ADGRE5: variants seen among roughly 807,000 people sequenced by gnomAD.
ADGRE5 encodes the protein adhesion G protein-coupled receptor E5, also known as CD97 molecule.
Under a neutral mutation model 100.3 loss-of-function variants are expected in ADGRE5, and 72 were observed. The ratio of observed to expected loss-of-function variants is 0.72; its 90% CI spans 0.59 to 0.87. The LOEUF is 0.87. Among genes scored for constraint, ADGRE5 ranks in the 40% least tolerant of loss-of-function variants. The pLI, the probability that ADGRE5 is intolerant of heterozygous loss-of-function variation, is 0.00. For missense variants in ADGRE5, 959 were observed against 1,094.7 expected (o/e 0.88, Z 1.75); for synonymous variants, 439 against 447.8 (o/e 0.98, Z 0.25).
Position 14,396,381 on chromosome 19 carries a change from GC to G in ADGRE5, c.387del (p.Tyr130ThrfsTer32), listed in dbSNP as rs542401060. On this transcript the variant is annotated frameshift_variant, in exon 5 of 20. Transcript: ENST00000242786. LOFTEE classifies it high-confidence loss of function. The part of the protein sequence containing the change: ...ECQQNPRLCK[S>X]YGTCVNTLGS... ...CAGCAGAACCCAAGGCTCTGTAAAAGCTACGGCACCTGCGTCAACACCCTTG... is the reference window on the plus strand; with the variant it reads ...CAGCAGAACCCAAGGCTCTGTAAAAGTACGGCACCTGCGTCAACACCCTTG... The G allele has an allele frequency of 6.8e-5, 110 of 1,613,936 alleles. No individual in the cohort carries two copies. The African/African-American group carries it at 1.3e-3, about 20-fold the overall frequency.
chr19:14,397,264 A>G, intron 6 of ADGRE5, 41 bp downstream of exon 6: 2 of 1,613,302 alleles, frequency 1.2e-6, no homozygotes, highest in African/African-American at 1.3e-5. Flanking sequence ...ACCCACAAAC[A>G]TCTGATCACA....
At chr19:14,390,843 GT>G in intron 3 of ADGRE5, 80 bp from the exon 4 acceptor site, 1 of 1,531,348 alleles carries the variant, frequency 6.5e-7, no homozygotes, top group Non-Finnish European at 8.9e-7. Context: ...CAGGCCCCAT[GT>G]TGGGGAGTCA....
At position 14,406,716 on chromosome 19, in the gene ADGRE5, G is replaced by C; in HGVS notation, c.2065G>C (p.Glu689Gln). Residue 689 changes from glutamate (E) to glutamine (Q), a missense_variant, in exon 16 of 20, where the codon GAG becomes CAG. Physicochemically the swap from Glu to Gln is conservative, Grantham distance 29. Around this residue, in one of 6 missense-constraint regions of ADGRE5, gnomAD observed 428 missense variants for 386.2 expected, o/e 1.11. Transcript: ENST00000242786. This position sits in a 1 kb window ranked among gnomAD's most constrained non-coding sequence, Gnocchi z 6.0. ...GRPRYCWLDF[E>Q]QGFLWSFLGP... is the part of the protein sequence containing the mutation. Reference sequence around the variant, plus strand: ...CCCTCCTAGCTGCTGGTTGGACTTTGAGCAGGGCTTCCTCTGGAGCTTCTT... The same window carrying C: ...CCCTCCTAGCTGCTGGTTGGACTTTCAGCAGGGCTTCCTCTGGAGCTTCTT... 1 of 1,614,138 alleles carries C rather than the reference G, an allele frequency of 6.2e-7. No homozygotes were observed. Among genetic ancestry groups the C allele is most frequent in the Non-Finnish European group, 8.5e-7 (1 of 1,180,030 alleles).
chr19:14,395,378 A>G lies in ADGRE5; in HGVS notation c.347-964A>G, dbSNP rs1033703637. On this transcript the variant is annotated intron_variant, in intron 4 of 19. Coordinates refer to ENST00000242786, the MANE Select transcript of ADGRE5 (RefSeq NM_078481.4). Reference sequence around the variant, plus strand: ...CGGCTCCAGCCTGGACTAGCCGGCAAGAGACAGCATCACTGGGGACCATCG... The same window carrying G: ...CGGCTCCAGCCTGGACTAGCCGGCAGGAGACAGCATCACTGGGGACCATCG... Among the ~76,000 whole-genome samples, 4 of 151,898 alleles carry G rather than the reference A, an allele frequency of 2.6e-5. No homozygotes were observed. In the East Asian group the frequency reaches 7.7e-4, roughly 29 times the overall value.
intron 4 of ADGRE5, among the ~76,000 whole-genome samples, chr19:14,394,196 A>G (rs747789986): frequency 6.6e-6 from 1 of 152,162 alleles, no homozygotes; most frequent in Non-Finnish European, 1.5e-5. Context: ...AGGTGATAAG[A>G]GGGACCTCCA....
intron 19 of ADGRE5, 32 bp from the exon 20 acceptor site, chr19:14,408,060 C>A (rs374788142): frequency 1.2e-6 from 2 of 1,614,030 alleles, no homozygotes; most frequent in Non-Finnish European, 8.5e-7. Flanking sequence ...CCAGGGCTAG[C>A]GGGGCTCAGG....
At position 14,401,972 on chromosome 19, in the gene ADGRE5, A is replaced by T. The variant is rs191631128; in HGVS notation, c.1183+212A>T. Among the ~76,000 whole-genome samples, 311 of 152,278 alleles carry T rather than the reference A, an allele frequency of 2.0e-3. 1 individual carries two copies. The highest frequency in any genetic ancestry group is 7.2e-3 in the African/African-American group (299 of 41,554). On this transcript the variant is annotated intron_variant, in intron 11 of 19. Coordinates refer to ENST00000242786, the MANE Select transcript of ADGRE5 (RefSeq NM_078481.4). The surrounding 1 kb of genome is among the most constrained non-coding windows in gnomAD (Gnocchi z 4.1). Reference sequence around the variant, plus strand: ...ATGGTGAAACCCGGTCTCTACAAAAAATACAAAAATTAGCCAGGTGTGGTG... The same window carrying T: ...ATGGTGAAACCCGGTCTCTACAAAATATACAAAAATTAGCCAGGTGTGGTG...
intron 1 of ADGRE5, among the ~76,000 whole-genome samples, chr19:14,386,156 G>T (rs920466049): frequency 6.6e-5 from 10 of 151,434 alleles, no homozygotes; most frequent in African/African-American, 2.2e-4. Flanking sequence ...AAGGCAGGTG[G>T]ATCACGAGGT....
Position 14,408,302 on chromosome 19 carries a change from G to A in ADGRE5, c.*181G>A, listed in dbSNP as rs1599638845. ...ACCAAAGTCCAGGACACCCAGTGGG[G>A]TGGAGTCGGAGCCACTGGTCCTGCT... On this transcript the variant is annotated 3_prime_UTR_variant, in exon 20 of 20. Coordinates refer to ENST00000242786, the MANE Select transcript of ADGRE5 (RefSeq NM_078481.4). 4 of 704,426 alleles carry A rather than the reference G, an allele frequency of 5.7e-6. No homozygotes were observed. In the East Asian group the frequency reaches 1.1e-4, roughly 19 times the overall value. 43.6% of individuals were successfully genotyped at this position (704,426 alleles called of 1,614,324 possible). A position where few individuals can be genotyped will look rare whatever the true frequency, so the allele number is the denominator to read the frequency against.
rs774912268 is a variant in ADGRE5 at position 14,406,930 on chromosome 19, A to G, written c.2177A>G (p.Asn726Ser). Residue 726 changes from asparagine to serine, a missense_variant, in exon 17 of 20, where the codon AAT (asparagine) becomes AGT (serine). Coordinates refer to ENST00000242786, the MANE Select transcript of ADGRE5 (RefSeq NM_078481.4). This position sits in a 1 kb window ranked among gnomAD's most constrained non-coding sequence, Gnocchi z 6.0. ...CTCACTCAGAAGTTTTCTGAAATCA[A>G]TCCAGACATGAAGAAATTAAAGAAG... is the stretch of plus-strand genomic sequence containing the variant. ...WKLTQKFSEI[N>S]PDMKKLKKAR... 3.7e-6 allele frequency: 6 copies of G among 1,613,998 alleles called. No individual in the cohort carries two copies. The highest frequency in any genetic ancestry group is 5.1e-6 in the Non-Finnish European group (6 of 1,179,994).
chr19:14,401,315 T>G lies in ADGRE5; in HGVS notation c.898-71T>G, dbSNP rs1279281282. The G allele has an allele frequency of 2.4e-5, 33 of 1,364,586 alleles. No homozygotes were observed. In the Admixed American group the frequency reaches 6.6e-4, roughly 27 times the overall value. The allele number at this position is 1,364,586 out of a possible 1,614,324, so 84.5% of individuals were successfully genotyped here. On this transcript the variant is annotated intron_variant, in intron 9 of 19. Transcript: ENST00000242786. This position sits in a 1 kb window ranked among gnomAD's most constrained non-coding sequence, Gnocchi z 4.1. ...CTCCAGTGTGTCCCCTGGTAGGGGGTGACATCCAGGTCCTTCAGGCAACCC... is the reference window on the plus strand; with the variant it reads ...CTCCAGTGTGTCCCCTGGTAGGGGGGGACATCCAGGTCCTTCAGGCAACCC...
chr19:14,405,997 T>G, intron 14 of ADGRE5, 58 bp downstream of exon 14: 1 of 1,468,556 alleles, frequency 6.8e-7, no homozygotes. Context: ...TGGGAGGGGT[T>G]AGCCCCGCCC....
intron 1 of ADGRE5, 72 bp downstream of exon 1, chr19:14,381,617 C>T: frequency 3.3e-6 from 5 of 1,525,506 alleles, no homozygotes; most frequent in Non-Finnish European, 4.4e-6. Flanking sequence ...GTCTGAGAAA[C>T]GGGAGGCGCC....
Position 14,408,180 on chromosome 19 carries a change from A to G in ADGRE5, c.*59A>G. 1 of 1,578,862 alleles carries G rather than the reference A, an allele frequency of 6.3e-7. No individual in the cohort carries two copies. The highest frequency in any genetic ancestry group is 1.7e-5 in the Admixed American group (1 of 58,870). ...GTGGCCACAGCAGCTTTGTACACGA[A>G]GACCATCCATCCTCCCTTCGTCCAC... On this transcript the variant is annotated 3_prime_UTR_variant, in exon 20 of 20. Coordinates refer to ENST00000242786, the MANE Select transcript of ADGRE5 (RefSeq NM_078481.4).
At position 14,401,109 on chromosome 19, in the gene ADGRE5, G is replaced by A. The variant is rs992033899; in HGVS notation, c.898-277G>A. Among the ~76,000 whole-genome samples the A allele has an allele frequency of 1.3e-5, 2 of 152,168 alleles. No individual in the cohort carries two copies. The highest frequency in any genetic ancestry group is 2.9e-5 in the Non-Finnish European group (2 of 68,036). On this transcript the variant is annotated intron_variant, in intron 9 of 19. Coordinates refer to ENST00000242786, the MANE Select transcript of ADGRE5 (RefSeq NM_078481.4). The surrounding 1 kb of genome is among the most constrained non-coding windows in gnomAD (Gnocchi z 4.1). ...TGCACTCAAGCCTGGGCAACAGACT[G>A]AGACCCTGTCTCAAAAAAAGAAAGA...
In ADGRE5 at chr19:14,401,343, G is replaced by A. The variant is rs1488576539; in HGVS notation, c.898-43G>A. ...CATCCAGGTCCTTCAGGCAACCCCTGTGGTCTGATGCTCCAGCGATTCTGT... is the reference window on the plus strand; with the variant it reads ...CATCCAGGTCCTTCAGGCAACCCCTATGGTCTGATGCTCCAGCGATTCTGT... On this transcript the variant is annotated intron_variant, in intron 9 of 19. Coordinates refer to ENST00000242786, the MANE Select transcript of ADGRE5 (RefSeq NM_078481.4). This position sits in a 1 kb window ranked among gnomAD's most constrained non-coding sequence, Gnocchi z 4.1. The A allele has an allele frequency of 3.8e-6, 6 of 1,589,756 alleles. No individual in the cohort carries two copies. In the Admixed American group the frequency reaches 8.6e-5, roughly 23 times the overall value.
At chr19:14,403,686 G>T (rs192896500) in intron 12 of ADGRE5, among the ~76,000 whole-genome samples, 1 of 151,774 alleles carries the variant, frequency 6.6e-6, no homozygotes, top group Non-Finnish European at 1.5e-5. Flanking sequence ...GGAGATGGAG[G>T]TCTCGCTATG....
rs765839682 is a variant in ADGRE5, at chr19:14,401,407, G to A, written c.919G>A (p.Glu307Lys). 10 of 1,613,956 alleles carry A rather than the reference G, an allele frequency of 6.2e-6. No individual in the cohort carries two copies. The highest frequency in any genetic ancestry group is 8.5e-6 in the Non-Finnish European group (10 of 1,179,984). The change falls in exon 10 of 20, where the codon GAA becomes AAA. Residue 307 changes from glutamate to lysine, a missense_variant. By Grantham distance (56) the Glu-to-Lys change is moderately conservative. This residue lies in a region of ADGRE5 where 69 missense variants were observed against 135.0 expected (regional missense o/e 0.51). Coordinates refer to ENST00000242786, the MANE Select transcript of ADGRE5 (RefSeq NM_078481.4). This position sits in a 1 kb window ranked among gnomAD's most constrained non-coding sequence, Gnocchi z 4.1. Reference sequence around the variant, plus strand: ...CTAGAATGTCATCAAATTGGTGGATGAACTGATGGAAGCTCCTGGAGACGT... The same window carrying A: ...CTAGAATGTCATCAAATTGGTGGATAAACTGATGGAAGCTCCTGGAGACGT... The part of the protein sequence containing the change: ...TIQNVIKLVD[E>K]LMEAPGDVEA...
intron 9 of ADGRE5, among the ~76,000 whole-genome samples, chr19:14,399,127 G>T (rs368992684): frequency 6.6e-6 from 1 of 151,660 alleles, no homozygotes; most frequent in Non-Finnish European, 1.5e-5. Context: ...GATCACAGGC[G>T]TGAGCCACTG....
Sources: gnomAD v4.1 joint callset for allele counts (sites outside exome capture counted in the v4.1 genomes callset) on GRCh38, gnomAD v4.1.1 for gene constraint, gnomAD v4.1.1 regional missense constraint, Gnocchi (gnomAD v3.1) non-coding constraint, MANE v1.5 for transcripts, NCBI Gene and HGNC (gene_info 2026-07-23, HGNC 2026-07-21) for gene names.